SH3RF3: variants seen among roughly 807,000 people sequenced by gnomAD.
SH3RF3 encodes E3 ubiquitin-protein ligase SH3RF3.
A neutral mutation model predicts 66.3 loss-of-function variants in SH3RF3; 29 were observed. That is an observed-to-expected ratio of 0.44 (90% CI 0.33 to 0.60). SH3RF3 has a LOEUF of 0.60. Among genes scored for constraint, SH3RF3 ranks in the 20% least tolerant of loss-of-function variants. The pLI, the probability that SH3RF3 is intolerant of heterozygous loss-of-function variation, is 0.04. For missense variants in SH3RF3, 1,194 were observed against 1,190.9 expected (o/e 1.00, Z -0.04); for synonymous variants, 583 against 532.0 (o/e 1.10, Z -1.32).
At chr2:109,159,839 T>A (rs1353558990) in intron 1 of SH3RF3, among the ~76,000 whole-genome samples, 1 of 152,224 alleles carries the variant, frequency 6.6e-6, no homozygotes, top group Admixed American at 6.5e-5. Context: ...TCATGATCTG[T>A]CACTGTCTTC....
chr2:109,428,056 C>T (rs1677085151), intron 5 of SH3RF3, among the ~76,000 whole-genome samples: 1 of 152,210 alleles, frequency 6.6e-6, no homozygotes, highest in Admixed American at 6.5e-5. Context: ...CAGTGCAGCC[C>T]CTGACAGCAC....
chr2:109,243,851 G>T (rs987661869), intron 1 of SH3RF3, among the ~76,000 whole-genome samples: 25 of 152,196 alleles, frequency 1.6e-4, no homozygotes, highest in African/African-American at 5.8e-4. Context: ...ACGTGATCTG[G>T]TTTGCTTTAG....
chr2:109,152,582 A>G (rs1677248718), intron 1 of SH3RF3, among the ~76,000 whole-genome samples: 1 of 152,236 alleles, frequency 6.6e-6, no homozygotes, highest in South Asian at 2.1e-4. Flanking sequence ...TTTATTATTT[A>G]CATTGTGTAT....
chr2:109,363,925 A>G (rs1683103320), intron 2 of SH3RF3, among the ~76,000 whole-genome samples: 1 of 152,130 alleles, frequency 6.6e-6, no homozygotes, highest in African/African-American at 2.4e-5. Context: ...TGAAAGTGCT[A>G]TACCAAGGTG....
At chr2:109,277,606 G>A (rs764450761) in intron 1 of SH3RF3, among the ~76,000 whole-genome samples, 3 of 152,124 alleles carry the variant, frequency 2.0e-5, no homozygotes, top group Admixed American at 6.5e-5. Flanking sequence ...GCACTCCTCC[G>A]CGTGCGTAGC....
intron 1 of SH3RF3, among the ~76,000 whole-genome samples, chr2:109,327,064 A>G (rs1682177392): frequency 1.3e-5 from 2 of 152,242 alleles, no homozygotes; most frequent in Non-Finnish European, 2.9e-5. Context: ...GAAGGTTTTT[A>G]AAAACATTTA....
intron 1 of SH3RF3, among the ~76,000 whole-genome samples, chr2:109,170,276 T>C (rs1349365389): frequency 1.1e-4 from 14 of 125,796 alleles, no homozygotes; most frequent in East Asian, 7.3e-4. Context: ...TCTCTTCTCT[T>C]CTCTTCTCTT....
rs575049165 is a variant in SH3RF3, at chr2:109,225,500, C to T, written c.573+95387C>T. Among the ~76,000 whole-genome samples, 12 of 152,320 alleles carry T rather than the reference C, an allele frequency of 7.9e-5. No homozygotes were observed. The South Asian group carries it at 2.5e-3, about 32-fold the overall frequency. On this transcript the variant is annotated intron_variant, in intron 1 of 9. Coordinates refer to ENST00000309415, the MANE Select transcript of SH3RF3 (RefSeq NM_001099289.3). The stretch of plus-strand genomic sequence containing the variant: ...CCCACTGGGGACTGGGTGGGCTGAC[C>T]CACCTGGCCCACTCACACTCACCAT...
At position 109,243,276 on chromosome 2, in the gene SH3RF3, G is replaced by A. The variant is rs572387637; in HGVS notation, c.574-104398G>A. 9.2e-5 allele frequency among the ~76,000 whole-genome samples: 14 copies of A among 152,342 alleles called. No individual in the cohort carries two copies. In the East Asian group the frequency reaches 9.6e-4, roughly 10 times the overall value. On this transcript the variant is annotated intron_variant, in intron 1 of 9. Coordinates refer to ENST00000309415, the MANE Select transcript of SH3RF3 (RefSeq NM_001099289.3). ...CTGCCAGTCCTGGGCCAGAGCCGGC[G>A]TCAGCCGTACACCGCATGGATCCTG...
At chr2:109,485,772 A>AAT (rs1678952317) in intron 8 of SH3RF3, among the ~76,000 whole-genome samples, 1 of 152,246 alleles carries the variant, frequency 6.6e-6, no homozygotes, top group Admixed American at 6.5e-5. Flanking sequence ...TATAACTCAT[A>AAT]AGCTCTCCCT....
chr2:109,411,779 A>T (rs1676596474), intron 4 of SH3RF3, among the ~76,000 whole-genome samples: 1 of 151,968 alleles, frequency 6.6e-6, no homozygotes, highest in African/African-American at 2.4e-5. Flanking sequence ...CTTCATCTTG[A>T]CCTTTGGGAA....
At chr2:109,388,125 G>A (rs577214490) in intron 3 of SH3RF3, among the ~76,000 whole-genome samples, 8 of 152,216 alleles carry the variant, frequency 5.3e-5, no homozygotes, top group South Asian at 2.1e-4. Context: ...GCCTGCCCAC[G>A]CCTCTCCATG....
At chr2:109,138,858 G>A (rs1422618161) in intron 1 of SH3RF3, among the ~76,000 whole-genome samples, 1 of 152,212 alleles carries the variant, frequency 6.6e-6, no homozygotes, top group East Asian at 1.9e-4. Flanking sequence ...CAAATACTGT[G>A]TTAAGCACTG....
intron 1 of SH3RF3, among the ~76,000 whole-genome samples, chr2:109,286,745 T>A (rs1378203106): frequency 6.6e-6 from 1 of 152,116 alleles, no homozygotes. Flanking sequence ...GAGTGTTGGG[T>A]TTCCCTACAG....
intron 8 of SH3RF3, among the ~76,000 whole-genome samples, chr2:109,472,667 T>G (rs1254954587): frequency 2.0e-5 from 3 of 152,212 alleles, no homozygotes; most frequent in Non-Finnish European, 2.9e-5. Context: ...AATAGTGTGT[T>G]TAATTTTTCC....
chr2:109,329,376 C>T (rs938935708), intron 1 of SH3RF3, among the ~76,000 whole-genome samples: 7 of 152,194 alleles, frequency 4.6e-5, no homozygotes, highest in African/African-American at 1.7e-4. Context: ...AAAGTCAAGC[C>T]CCAAAGAATC....
intron 6 of SH3RF3, 85 bp downstream of exon 6, chr2:109,432,756 C>T: frequency 6.7e-7 from 1 of 1,487,870 alleles, no homozygotes; most frequent in South Asian, 1.4e-5. Flanking sequence ...GGAGGCTACT[C>T]TGTCAGCCGG....
At position 109,387,807 on chromosome 2, in the gene SH3RF3, A is replaced by G. The variant is rs1675864512; in HGVS notation, c.946-10783A>G. Among the ~76,000 whole-genome samples, 3 of 152,202 alleles carry G rather than the reference A, an allele frequency of 2.0e-5. No individual in the cohort carries two copies. The South Asian group carries it at 6.2e-4, about 32-fold the overall frequency. On this transcript the variant is annotated intron_variant, in intron 3 of 9. Transcript: ENST00000309415. ...GTGCTAAGCAGAGCCCCTGGCCTGC[A>G]GTAGGTGCCCAATTCCACCTTCTTC...
At chr2:109,261,425 G>A (rs1458196159) in intron 1 of SH3RF3, among the ~76,000 whole-genome samples, 1 of 152,224 alleles carries the variant, frequency 6.6e-6, no homozygotes, top group African/African-American at 2.4e-5. Flanking sequence ...TGCAGTCTGT[G>A]GAGCTGGACA....
Sources: allele counts gnomAD v4.1 joint callset (sites outside exome capture counted in the v4.1 genomes callset), GRCh38; gene constraint gnomAD v4.1.1; transcripts MANE v1.5; gene names NCBI Gene and HGNC (gene_info 2026-07-23, HGNC 2026-07-21).